BRINP3: variants seen among roughly 807,000 people sequenced by gnomAD.
The protein encoded by BRINP3 is BMP/retinoic acid-inducible neural-specific protein 3.
In BRINP3, 19 loss-of-function variants were observed where a neutral mutation model predicts 71.0. That is an observed-to-expected ratio of 0.27 (90% CI 0.19 to 0.39). The LOEUF (loss-of-function observed/expected upper bound fraction) is 0.39, where lower values mean the gene tolerates loss of function less well. BRINP3 is among the 10% of genes least tolerant of loss of function. BRINP3 has a pLI of 1.00. For missense variants in BRINP3, 959 were observed against 940.8 expected, an observed-to-expected ratio of 1.02 and a Z score of -0.25; for synonymous variants, 380 against 337.7, an observed-to-expected ratio of 1.13 and a Z score of -1.37.
chr1:190,375,214 T>C (rs1195901570), intron 2 of BRINP3, among the ~76,000 whole-genome samples: 1 of 151,902 alleles, frequency 6.6e-6, no homozygotes, highest in Non-Finnish European at 1.5e-5. Context: ...ACGCAAATGG[T>C]TTAACATATA....
At chr1:190,327,523 T>C (rs887879501) in intron 2 of BRINP3, among the ~76,000 whole-genome samples, 5 of 146,928 alleles carry the variant, frequency 3.4e-5, no homozygotes, top group African/African-American at 7.4e-5. Flanking sequence ...TTGCTATTCC[T>C]ATATCTGATA....
chr1:190,161,248 G>A (rs1650914406), intron 6 of BRINP3, among the ~76,000 whole-genome samples: 1 of 151,768 alleles, frequency 6.6e-6, no homozygotes, highest in African/African-American at 2.4e-5. Context: ...TCATTAATCT[G>A]ACTTTCATTT....
chr1:190,405,461 A>C (rs1385453506), intron 2 of BRINP3, among the ~76,000 whole-genome samples: 1 of 77,246 alleles, frequency 1.3e-5, no homozygotes, highest in Non-Finnish European at 2.5e-5. Context: ...AAAAAAAAAA[A>C]AAAAAAAAAA....
rs1195574325 is a variant in BRINP3, at chr1:190,301,198, CACATACAT to C, written c.237-19456_237-19449del. Among the ~76,000 whole-genome samples, 230 of 26,730 alleles carry C rather than the reference CACATACAT, an allele frequency of 8.6e-3. 2 individuals carry two copies. Among genetic ancestry groups the C allele is most frequent in the African/African-American group, 0.017 (210 of 12,200 alleles). 17.5% of individuals were successfully genotyped at this position (26,730 alleles called of 152,430 possible). ...ATACATATATATATGTATATATATA[CACATACAT>C]ATATATATATATATATATATATATA... On this transcript the variant is annotated intron_variant, in intron 2 of 7. Coordinates refer to ENST00000367462, the MANE Select transcript of BRINP3 (RefSeq NM_199051.3).
chr1:190,309,915 T>G (rs1366469925), intron 2 of BRINP3, among the ~76,000 whole-genome samples: 1 of 151,788 alleles, frequency 6.6e-6, no homozygotes, highest in Non-Finnish European at 1.5e-5. Context: ...CTAATTTATT[T>G]TATTTTAATC....
At chr1:190,418,353 T>C (rs569105519) in intron 2 of BRINP3, among the ~76,000 whole-genome samples, 1 of 152,264 alleles carries the variant, frequency 6.6e-6, no homozygotes, top group Admixed American at 6.5e-5. Flanking sequence ...CCAGCCTTCT[T>C]ATTCTTTTTA....
At chr1:190,456,228 A>C (rs1283842745) in intron 1 of BRINP3, among the ~76,000 whole-genome samples, 1 of 152,148 alleles carries the variant, frequency 6.6e-6, no homozygotes. Flanking sequence ...AGATATAGAG[A>C]AATAATTTTG....
chr1:190,126,035 T>C (rs982270781), intron 7 of BRINP3, among the ~76,000 whole-genome samples: 1 of 151,998 alleles, frequency 6.6e-6, no homozygotes, highest in Non-Finnish European at 1.5e-5. Flanking sequence ...CTGTGAAAGC[T>C]ACCATTTGAG....
At chr1:190,364,455 A>G (rs1669356503) in intron 2 of BRINP3, among the ~76,000 whole-genome samples, 1 of 152,114 alleles carries the variant, frequency 6.6e-6, no homozygotes, top group Non-Finnish European at 1.5e-5. Context: ...ACTATGCAAT[A>G]AACAACGTGG....
chr1:190,309,540 T>C (rs1434304094), intron 2 of BRINP3, among the ~76,000 whole-genome samples: 2 of 151,872 alleles, frequency 1.3e-5, no homozygotes, highest in Admixed American at 6.6e-5. Context: ...ATTAACTTTC[T>C]ATAGTTCCAA....
At chr1:190,462,420 G>T (rs1352994059) in intron 1 of BRINP3, among the ~76,000 whole-genome samples, 1 of 151,850 alleles carries the variant, frequency 6.6e-6, no homozygotes, top group South Asian at 2.1e-4. Context: ...TCAACAAACA[G>T]CCAAACCAAA....
At position 190,401,679 on chromosome 1, in the gene BRINP3, G is replaced by A. The variant is rs75964631; in HGVS notation, c.236+52976C>T. Among the ~76,000 whole-genome samples the A allele has an allele frequency of 6.4e-3, 971 of 151,964 alleles. 8 individuals carry two copies. Among genetic ancestry groups the A allele is most frequent in the Non-Finnish European group, 0.011 (737 of 67,984 alleles). ...CCATCAAAGTGTGAGAAGCATTGAT[G>A]TGAGCCTATTTAAGTGAAGATTTCT... is the stretch of plus-strand genomic sequence containing the variant. On this transcript the variant is annotated intron_variant, in intron 2 of 7. Transcript: ENST00000367462.
intron 7 of BRINP3, among the ~76,000 whole-genome samples, chr1:190,129,045 C>G (rs567691053): frequency 6.6e-6 from 1 of 151,884 alleles, no homozygotes; most frequent in African/African-American, 2.4e-5. Context: ...ATATACACAG[C>G]AGTCAGAATA....
intron 7 of BRINP3, among the ~76,000 whole-genome samples, chr1:190,109,895 G>T (rs961602900): frequency 6.6e-6 from 1 of 152,186 alleles, no homozygotes; most frequent in Non-Finnish European, 1.5e-5. Context: ...TTTCAGATTT[G>T]GACTGATCCT....
intron 1 of BRINP3, among the ~76,000 whole-genome samples, chr1:190,455,834 A>G (rs184484527): frequency 5.9e-5 from 9 of 152,252 alleles, no homozygotes; most frequent in Admixed American, 5.9e-4. Flanking sequence ...AAGTAATAAG[A>G]CGTATAATCC....
At chr1:190,474,027 A>G (rs1412406265) in intron 1 of BRINP3, among the ~76,000 whole-genome samples, 1 of 151,986 alleles carries the variant, frequency 6.6e-6, no homozygotes, top group Non-Finnish European at 1.5e-5. Context: ...CCTGTCCTTT[A>G]TATATTAAGG....
At chr1:190,303,666 A>G (rs1356289120) in intron 2 of BRINP3, among the ~76,000 whole-genome samples, 2 of 151,762 alleles carry the variant, frequency 1.3e-5, no homozygotes, top group African/African-American at 2.4e-5. Flanking sequence ...TGAAAGAACT[A>G]GGTCAGTTAA....
intron 3 of BRINP3, among the ~76,000 whole-genome samples, chr1:190,275,357 C>T (rs181485763): frequency 2.2e-4 from 33 of 151,612 alleles, no homozygotes; most frequent in Middle Eastern, 3.4e-3. Context: ...ATACTTTAAA[C>T]AGTGTTGTCT....
rs1348899490 is a variant in BRINP3, at chr1:190,160,774, T to C, written c.1078A>G (p.Asn360Asp). 6.2e-7 allele frequency: 1 copy of C among 1,613,548 alleles called. No homozygotes were observed. Among genetic ancestry groups the C allele is most frequent in the African/African-American group, 1.3e-5 (1 of 74,902 alleles). The change falls in exon 7 of 8, where the codon AAC (asparagine) becomes GAC (aspartate). Residue 360 changes from asparagine (N) to aspartate (D), a missense_variant. Asn to Asp is a conservative substitution (Grantham distance 23). Transcript: ENST00000367462. The part of the protein sequence containing the change: ...NFQRRYEQLE[N>D]SMKQLFLKAQ... Reference sequence around the variant, plus strand: ...TTTAGGAAAAGTTGTTTCATGCTGTTCTCCAGTTGTTCATAACGGCGCTGA... The same window carrying C: ...TTTAGGAAAAGTTGTTTCATGCTGTCCTCCAGTTGTTCATAACGGCGCTGA...
Sources: allele counts gnomAD v4.1 joint callset (sites outside exome capture counted in the v4.1 genomes callset), GRCh38; gene constraint gnomAD v4.1.1; transcripts MANE v1.5; gene names NCBI Gene and HGNC (gene_info 2026-07-23, HGNC 2026-07-21).